ARHGAP28: variants seen among roughly 807,000 people sequenced by gnomAD.
ARHGAP28 encodes the protein Rho GTPase activating protein 28, also known as rho GTPase-activating protein 28.
ARHGAP28 carries 56 observed loss-of-function variants against 90.7 expected under a neutral mutation model. That is an observed-to-expected ratio of 0.62 (90% confidence interval 0.50 to 0.77). The LOEUF is 0.77. Among genes scored for constraint, ARHGAP28 ranks in the 30% least tolerant of loss-of-function variants. ARHGAP28 has a pLI of 0.00. For synonymous variants in ARHGAP28, 308 were observed against 323.3 expected (o/e 0.95, Z 0.51); for missense variants, 869 against 900.9 (o/e 0.96, Z 0.45).
At chr18:6,911,603 T>C (rs1236851496) in intron 17 of ARHGAP28, among the ~76,000 whole-genome samples, 1 of 151,970 alleles carries the variant, frequency 6.6e-6, no homozygotes, top group Non-Finnish European at 1.5e-5. Flanking sequence ...ACCTGGCTAA[T>C]TTTTGTATTT....
At chr18:6,841,223 C>CCTCTCTCTCTCT (rs2056824347) in intron 3 of ARHGAP28, among the ~76,000 whole-genome samples, 1 of 131,074 alleles carries the variant, frequency 7.6e-6, no homozygotes, top group African/African-American at 3.0e-5. Flanking sequence ...CTCTCTCTCT[C>CCTCTCTCTCTCT]CCCCCAACCC....
In ARHGAP28 at chr18:6,824,800, T is replaced by C; in HGVS notation, c.161T>C (p.Leu54Pro). 3.3e-6 allele frequency: 5 copies of C among 1,536,026 alleles called. No individual in the cohort carries two copies. Among genetic ancestry groups the C allele is most frequent in the Non-Finnish European group, 2.6e-6 (3 of 1,146,776 alleles). ...CGCTGCCGAAGAATTAACAGGATGC[T>C]CTCCAATGAATCCCTCCATCCTCCT... ...IPRCRRINRM[L>P]SNESLHPPAF... is the part of the protein sequence containing the mutation. The change falls in exon 2 of 18, where the codon CTC (leucine) becomes CCC (proline). Residue 54 changes from leucine to proline, a missense_variant. Physicochemically the swap from Leu to Pro is moderately conservative, Grantham distance 98. Transcript: ENST00000383472.
chr18:6,788,445 TG>T (rs1245407152), intron 1 of ARHGAP28: 1 of 151,884 alleles, frequency 6.6e-6, no homozygotes, highest in East Asian at 1.9e-4. Context: ...GTTTTCTTTT[TG>T]TTTTTTTGTT....
chr18:6,818,250 T>C (rs2056604726), intron 1 of ARHGAP28, among the ~76,000 whole-genome samples: 1 of 152,196 alleles, frequency 6.6e-6, no homozygotes, highest in Non-Finnish European at 1.5e-5. Context: ...AGTTTTTGTC[T>C]AAATCACCAC....
intron 14 of ARHGAP28, among the ~76,000 whole-genome samples, chr18:6,891,614 G>A (rs959274002): frequency 6.6e-6 from 1 of 151,944 alleles, no homozygotes; most frequent in African/African-American, 2.4e-5. Context: ...TAGAGTTGGA[G>A]TCTTGCTCTG....
intron 2 of ARHGAP28, among the ~76,000 whole-genome samples, chr18:6,833,341 A>G (rs57890332): frequency 0.047 from 7,096 of 152,108 alleles, 572 homozygotes; most frequent in African/African-American, 0.16. Context: ...TCAGACTGCT[A>G]TCGTTTCTAG....
chr18:6,869,527 C>T (rs1276934173), intron 6 of ARHGAP28, among the ~76,000 whole-genome samples: 1 of 152,056 alleles, frequency 6.6e-6, no homozygotes, highest in Non-Finnish European at 1.5e-5. Context: ...TCCCAAAGTG[C>T]TGGGATTATA....
At chr18:6,785,390 C>A (rs1016576835) in intron 1 of ARHGAP28, among the ~76,000 whole-genome samples, 7 of 152,230 alleles carry the variant, frequency 4.6e-5, no homozygotes, top group African/African-American at 1.7e-4. Flanking sequence ...TCCTTCCTGG[C>A]ACTATAACTC....
chr18:6,902,986 A>C (rs900657602), intron 16 of ARHGAP28, among the ~76,000 whole-genome samples: 3 of 152,224 alleles, frequency 2.0e-5, no homozygotes, highest in African/African-American at 7.2e-5. Flanking sequence ...CAGCCATAAA[A>C]AGGAAAGAAA....
At chr18:6,883,244 T>G (rs919597537) in intron 11 of ARHGAP28, among the ~76,000 whole-genome samples, 3 of 151,526 alleles carry the variant, frequency 2.0e-5, no homozygotes, top group Non-Finnish European at 4.4e-5. Context: ...CACTAATTTT[T>G]TTTTTTTTTT....
chr18:6,822,752 GA>G (rs2056634879), intron 1 of ARHGAP28, among the ~76,000 whole-genome samples: 1 of 152,210 alleles, frequency 6.6e-6, no homozygotes, highest in Non-Finnish European at 1.5e-5. Flanking sequence ...CAGATACTAC[GA>G]AAAGATCAAT....
At chr18:6,807,972 C>T (rs1199752471) in intron 1 of ARHGAP28, among the ~76,000 whole-genome samples, 3 of 152,196 alleles carry the variant, frequency 2.0e-5, no homozygotes, top group Non-Finnish European at 4.4e-5. Flanking sequence ...CCCTGTTCCT[C>T]CAGGATCACT....
intron 1 of ARHGAP28, among the ~76,000 whole-genome samples, chr18:6,798,944 A>T (rs1420911427): frequency 6.6e-6 from 1 of 152,244 alleles, no homozygotes; most frequent in Non-Finnish European, 1.5e-5. Flanking sequence ...AGGGATGTCA[A>T]AATTAATCTA....
chr18:6,731,632 G>T (rs1468597858), intron 1 of ARHGAP28, among the ~76,000 whole-genome samples: 1 of 152,108 alleles, frequency 6.6e-6, no homozygotes, highest in Non-Finnish European at 1.5e-5. Context: ...TGGGAGCCTT[G>T]GTACCATTGT....
intron 12 of ARHGAP28, among the ~76,000 whole-genome samples, chr18:6,889,370 A>AT (rs1369927829): frequency 6.6e-6 from 1 of 152,054 alleles, no homozygotes; most frequent in African/African-American, 2.4e-5. Flanking sequence ...CAAAAATTCA[A>AT]TTTTTTTATT....
intron 4 of ARHGAP28, among the ~76,000 whole-genome samples, chr18:6,858,574 G>C (rs4798502): frequency 0.037 from 5,468 of 147,078 alleles, 337 homozygotes; most frequent in East Asian, 0.28. Context: ...ACAGAGTTTT[G>C]CTCTTGTCGC....
At chr18:6,781,927 G>A (rs1420681288) in intron 1 of ARHGAP28, among the ~76,000 whole-genome samples, 1 of 152,104 alleles carries the variant, frequency 6.6e-6, no homozygotes, top group East Asian at 1.9e-4. Context: ...AATTCTCCCT[G>A]GGGCAAGTGG....
intron 11 of ARHGAP28, among the ~76,000 whole-genome samples, chr18:6,882,847 C>T (rs2057189682): frequency 6.6e-6 from 1 of 152,074 alleles, no homozygotes; most frequent in East Asian, 1.9e-4. Context: ...ATAGATTAGG[C>T]CTTTAAGTGA....
At chr18:6,811,134 A>G (rs1037480853) in intron 1 of ARHGAP28, among the ~76,000 whole-genome samples, 3 of 152,154 alleles carry the variant, frequency 2.0e-5, no homozygotes, top group Non-Finnish European at 2.9e-5. Context: ...TTCTAGTCCA[A>G]TTGATTGTAA....
Sources: gnomAD v4.1 joint callset for allele counts (sites outside exome capture counted in the v4.1 genomes callset) on GRCh38, gnomAD v4.1.1 for gene constraint, MANE v1.5 for transcripts, NCBI Gene and HGNC (gene_info 2026-07-23, HGNC 2026-07-21) for gene names.